XXYLT1: variants seen among roughly 807,000 people sequenced by gnomAD.
XXYLT1 encodes the protein xyloside xylosyltransferase 1.
In XXYLT1, 20 loss-of-function variants were observed where a neutral mutation model predicts 28.9. The observed-to-expected ratio is 0.69, with a 90% confidence interval of 0.49 to 1.00. XXYLT1 has a LOEUF of 1.00. Ranked by LOEUF, XXYLT1 falls within the 50% of genes least tolerant of loss-of-function variation. XXYLT1 has a pLI of 0.00. For synonymous variants in XXYLT1, 257 were observed against 253.8 expected, an observed-to-expected ratio of 1.01 and a Z score of -0.12; for missense variants, 542 against 560.1, an observed-to-expected ratio of 0.97 and a Z score of 0.33.
At chr3:195,188,581 AT>A (rs937102045) in intron 2 of XXYLT1, among the ~76,000 whole-genome samples, 1 of 152,178 alleles carries the variant, frequency 6.6e-6, no homozygotes, top group Non-Finnish European at 1.5e-5. Flanking sequence ...TGTACTGGCC[AT>A]TTCAATCAAA....
chr3:195,148,114 C>T (rs367735806), intron 3 of XXYLT1: 9 of 152,312 alleles, frequency 5.9e-5, no homozygotes, highest in South Asian at 4.1e-4. Context: ...AGGTAAGAGA[C>T]GGTCACAATG....
chr3:195,095,805 G>A (rs1473710666), intron 3 of XXYLT1: 1 of 152,380 alleles, frequency 6.6e-6, no homozygotes, highest in Admixed American at 6.5e-5. Flanking sequence ...TACATGTGGA[G>A]CTGCAGGTCA....
chr3:195,173,916 G>C lies in XXYLT1; in HGVS notation c.653-17335C>G, dbSNP rs753619122. Among the ~76,000 whole-genome samples the C allele has an allele frequency of 3.2e-4, 49 of 152,232 alleles. No individual in the cohort carries two copies. The highest frequency in any genetic ancestry group is 4.9e-4 in the Non-Finnish European group (33 of 68,038). On this transcript the variant is annotated intron_variant, in intron 2 of 3. Transcript: ENST00000310380. The surrounding 1 kb of genome is among the most constrained non-coding windows in gnomAD (Gnocchi z 4.3). Reference sequence around the variant, plus strand: ...TCCCCAGGTCACGAGACTAAGGGCTGTGTCAGTAGGCACTGGTGAGAACAG... The same window carrying C: ...TCCCCAGGTCACGAGACTAAGGGCTCTGTCAGTAGGCACTGGTGAGAACAG...
intron 3 of XXYLT1, among the ~76,000 whole-genome samples, chr3:195,127,878 C>G (rs1718716000): frequency 6.6e-6 from 1 of 152,084 alleles, no homozygotes; most frequent in South Asian, 2.1e-4. Flanking sequence ...TTTGAAGGGT[C>G]TGTGAAATGA....
chr3:195,190,631 T>C (rs1041008066), intron 2 of XXYLT1, among the ~76,000 whole-genome samples: 1 of 151,870 alleles, frequency 6.6e-6, no homozygotes, highest in Non-Finnish European at 1.5e-5. Context: ...TATAAAAGAT[T>C]GAATATATTT....
chr3:195,153,947 C>G (rs1317666815), intron 3 of XXYLT1: 1 of 152,272 alleles, frequency 6.6e-6, no homozygotes, highest in Non-Finnish European at 1.5e-5. Context: ...GCTGTAACCC[C>G]CAATGCCAGA....
rs923950949 is a variant in XXYLT1, at chr3:195,240,581, G to A, written c.505-13725C>T. Among the ~76,000 whole-genome samples the A allele has an allele frequency of 6.6e-6, 1 of 152,252 alleles. No homozygotes were observed. Among genetic ancestry groups the A allele is most frequent in the Admixed American group, 6.5e-5 (1 of 15,290 alleles). ...CGCACGGAAAGATGCCAGGTTTCCC[G>A]GAAATCCCAAGGCCTGTTTGAAGAA... On this transcript the variant is annotated intron_variant, in intron 1 of 3. Transcript: ENST00000310380. This position sits in a 1 kb window ranked among gnomAD's most constrained non-coding sequence, Gnocchi z 4.7.
intron 3 of XXYLT1, among the ~76,000 whole-genome samples, chr3:195,104,257 A>G (rs1716970154): frequency 6.7e-6 from 1 of 149,180 alleles, no homozygotes; most frequent in Admixed American, 6.7e-5. Context: ...ATTTTATGAG[A>G]GGGCAGATGC....
chr3:195,249,631 G>A (rs1210285641), intron 1 of XXYLT1, among the ~76,000 whole-genome samples: 3 of 152,208 alleles, frequency 2.0e-5, no homozygotes, highest in South Asian at 2.1e-4. Flanking sequence ...TTCAGCCCAC[G>A]TCTCGCCGAT....
At chr3:195,215,203 G>C (rs1375651815) in intron 2 of XXYLT1, among the ~76,000 whole-genome samples, 3 of 149,754 alleles carry the variant, frequency 2.0e-5, no homozygotes, top group South Asian at 2.2e-4. Context: ...ACCGGTACCA[G>C]CCGCTGCAAA....
intron 2 of XXYLT1, among the ~76,000 whole-genome samples, chr3:195,169,869 A>ATATTTTTTTTTAT (rs1165940696): frequency 8.1e-6 from 1 of 123,230 alleles, no homozygotes; most frequent in African/African-American, 3.0e-5. Flanking sequence ...ATATATATAT[A>ATATTTTTTTTTAT]TTTTTTTTTT....
chr3:195,247,220 G>A (rs980954157), intron 1 of XXYLT1, among the ~76,000 whole-genome samples: 1 of 152,124 alleles, frequency 6.6e-6, no homozygotes, highest in African/African-American at 2.4e-5. Flanking sequence ...GGAGAAGAGG[G>A]CGAACGGCCG....
intron 3 of XXYLT1, among the ~76,000 whole-genome samples, chr3:195,140,385 A>G (rs10433328): frequency 0.16 from 24,619 of 152,156 alleles, 2,538 homozygotes; most frequent in African/African-American, 0.29. Context: ...AGGATGTGGG[A>G]GGCACCCTTA....
chr3:195,140,614 T>C (rs1253211784), intron 3 of XXYLT1, among the ~76,000 whole-genome samples: 1 of 151,768 alleles, frequency 6.6e-6, no homozygotes, highest in African/African-American at 2.4e-5. Flanking sequence ...AGCAAGCACA[T>C]CTGCACATGG....
intron 3 of XXYLT1, among the ~76,000 whole-genome samples, chr3:195,110,836 G>GGTGTTGT (rs1717651106): frequency 2.1e-5 from 1 of 46,526 alleles, no homozygotes; most frequent in Non-Finnish European, 5.0e-5. Flanking sequence ...GTGTGTGTGT[G>GGTGTTGT]GTGTGTTGTG....
In XXYLT1 at chr3:195,226,855, A is replaced by T; in HGVS notation, c.506T>A (p.Val169Asp). ...CAGCACAGCAACATCGTGGAAGATG[A>T]CCTGCAGCAGGTGCAAAAAAAACCA... Reference protein sequence around the residue: ...LPPAAGFKCKVIFHDVAVLTD... With the variant: ...LPPAAGFKCKDIFHDVAVLTD... The change falls in exon 2 of 4, where the codon GTC (valine) becomes GAC (aspartate). Residue 169 changes from valine to aspartate, a missense_variant and splice_region_variant. By Grantham distance (152) the Val-to-Asp change is radical. Transcript: ENST00000310380. The T allele has an allele frequency of 6.2e-7, 1 of 1,612,970 alleles. No individual in the cohort carries two copies. The highest frequency in any genetic ancestry group is 1.1e-5 in the South Asian group (1 of 90,986).
At chr3:195,105,316 C>T (rs1717023869) in intron 3 of XXYLT1, among the ~76,000 whole-genome samples, 1 of 152,224 alleles carries the variant, frequency 6.6e-6, no homozygotes, top group Non-Finnish European at 1.5e-5. Flanking sequence ...CGAATTTTCC[C>T]TCTACTAAAT....
intron 1 of XXYLT1, chr3:195,247,858 G>C: frequency 1.4e-6 from 1 of 701,126 alleles, no homozygotes; most frequent in South Asian, 1.5e-5. Context: ...GACAGAGAGA[G>C]AGAAGGGGGA....
rs779283372 is a variant in XXYLT1, at chr3:195,226,866, G to A, written c.505-10C>T. 1.3e-4 allele frequency: 210 copies of A among 1,610,482 alleles called. No individual in the cohort carries two copies. The highest frequency in any genetic ancestry group is 1.7e-4 in the Non-Finnish European group (206 of 1,178,954). On this transcript the variant is annotated splice_polypyrimidine_tract_variant and intron_variant, in intron 1 of 3. Transcript: ENST00000310380. The stretch of plus-strand genomic sequence containing the variant: ...CATCGTGGAAGATGACCTGCAGCAG[G>A]TGCAAAAAAAACCAAGGCTCAGCAA...
Sources: gnomAD v4.1 joint callset for allele counts (sites outside exome capture counted in the v4.1 genomes callset) on GRCh38, gnomAD v4.1.1 for gene constraint, Gnocchi (gnomAD v3.1) non-coding constraint, MANE v1.5 for transcripts, NCBI Gene and HGNC (gene_info 2026-07-23, HGNC 2026-07-21) for gene names.